The following AKT3 variants were observed in gnomAD, a reference collection of about 807,000 sequenced individuals.
The protein encoded by AKT3 is RAC-gamma serine/threonine-protein kinase.
AKT3 carries 15 observed loss-of-function variants against 65.3 expected under a neutral mutation model. The ratio of observed to expected loss-of-function variants is 0.23; its 90% CI spans 0.15 to 0.35. The LOEUF (loss-of-function observed/expected upper bound fraction) is 0.35, where lower values mean the gene tolerates loss of function less well. AKT3 is among the 10% of genes least tolerant of loss of function. The probability of loss-of-function intolerance (pLI) is 1.00; values close to 1 mark genes in which losing one functional copy is unlikely to be tolerated. For synonymous variants in AKT3, 206 were observed against 183.8 expected, an observed-to-expected ratio of 1.12 and a Z score of -0.98; for missense variants, 243 against 576.5, an observed-to-expected ratio of 0.42 and a Z score of 5.92.
At chr1:243,779,766 G>A (rs1196731893) in intron 2 of AKT3, among the ~76,000 whole-genome samples, 1 of 152,056 alleles carries the variant, frequency 6.6e-6, no homozygotes, top group Non-Finnish European at 1.5e-5. Flanking sequence ...GCTTCTAGAG[G>A]TAGGAAAGTA....
At chr1:243,560,172 C>T (rs1004076250) in intron 10 of AKT3, among the ~76,000 whole-genome samples, 2 of 152,254 alleles carry the variant, frequency 1.3e-5, no homozygotes, top group East Asian at 3.9e-4. Context: ...TTCCACTCCA[C>T]TGTATGGAAC....
chr1:243,505,324 A>G lies in AKT3; in HGVS notation c.1365T>C (p.Asp455=). The change falls in exon 14 of 14, where the codon GAT becomes GAC. Residue 455 remains aspartate (D), a synonymous_variant. Coordinates refer to ENST00000673466, the MANE Select transcript of AKT3 (RefSeq NM_005465.7). ...TCTCATTGTCCATGCAGTCCATACC[A>G]TCCTCATCATCTGTGGGCAGGAAAC... ...TITPPEKYDE[D]GMDCMDNERR... is the part of the protein sequence containing the mutation. 3 of 1,613,728 alleles carry G rather than the reference A, an allele frequency of 1.9e-6. No homozygotes were observed. Among genetic ancestry groups the G allele is most frequent in the Non-Finnish European group, 1.7e-6 (2 of 1,179,760 alleles).
At chr1:243,523,184 AG>A (rs1270022772) in intron 12 of AKT3, among the ~76,000 whole-genome samples, 1 of 151,790 alleles carries the variant, frequency 6.6e-6, no homozygotes, top group East Asian at 1.9e-4. Context: ...AAGTGAATGC[AG>A]GAAACCAACT....
chr1:243,634,213 T>C (rs577883689), intron 6 of AKT3, among the ~76,000 whole-genome samples: 27 of 152,194 alleles, frequency 1.8e-4, no homozygotes, highest in Non-Finnish European at 3.7e-4. Context: ...GTTATGTAAA[T>C]AGCTGTTACA....
At chr1:243,673,611 ATTTTTTT>A (rs11386712) in intron 3 of AKT3, among the ~76,000 whole-genome samples, 3 of 124,164 alleles carry the variant, frequency 2.4e-5, no homozygotes, top group African/African-American at 9.2e-5. Context: ...TAATTATGAG[ATTTTTTT>A]TTTTTTTTTT....
chr1:243,546,777 A>G (rs1672703947), intron 11 of AKT3: 2 of 152,150 alleles, frequency 1.3e-5, no homozygotes, highest in South Asian at 4.1e-4. Flanking sequence ...TAAAACATAC[A>G]ATGTTGTGTA....
chr1:243,713,285 A>G (rs567125798), intron 2 of AKT3, among the ~76,000 whole-genome samples: 1 of 152,316 alleles, frequency 6.6e-6, no homozygotes, highest in Admixed American at 6.5e-5. Flanking sequence ...GAAACTTTGT[A>G]TTGCCATTTA....
chr1:243,641,867 T>C (rs924640290), intron 5 of AKT3, among the ~76,000 whole-genome samples: 9 of 152,068 alleles, frequency 5.9e-5, no homozygotes, highest in African/African-American at 7.2e-5. Flanking sequence ...GCCTGTGAAG[T>C]TAAGGCTGCA....
intron 5 of AKT3, among the ~76,000 whole-genome samples, chr1:243,642,594 C>T (rs986771376): frequency 2.6e-5 from 4 of 152,212 alleles, no homozygotes; most frequent in African/African-American, 9.6e-5. Flanking sequence ...CAGGCGTGAG[C>T]CACCACGCCC....
intron 2 of AKT3, among the ~76,000 whole-genome samples, chr1:243,820,127 G>C (rs2148420599): frequency 6.6e-6 from 1 of 152,116 alleles, no homozygotes; most frequent in Admixed American, 6.5e-5. Flanking sequence ...CACTGTGTTA[G>C]CCAGGATGGT....
At chr1:243,651,462 G>T (rs1681321477) in intron 4 of AKT3, among the ~76,000 whole-genome samples, 1 of 152,120 alleles carries the variant, frequency 6.6e-6, no homozygotes, top group Non-Finnish European at 1.5e-5. Flanking sequence ...GGGCATCCTT[G>T]TATTGTGCCA....
Position 243,759,805 on chromosome 1 carries a change from A to T in AKT3, c.47-64089T>A, listed in dbSNP as rs117710991. Reference sequence around the variant, plus strand: ...AGGAGAAATTAAAATTAAGAAGGATAAAAGGAAGGTTCTGCTTCTGTAAAT... The same window carrying T: ...AGGAGAAATTAAAATTAAGAAGGATTAAAGGAAGGTTCTGCTTCTGTAAAT... On this transcript the variant is annotated intron_variant, in intron 2 of 13. Transcript: ENST00000673466. Among the ~76,000 whole-genome samples the T allele has an allele frequency of 1.4e-4, 22 of 152,326 alleles. 1 individual carries two copies. The East Asian group carries it at 4.2e-3, about 29-fold the overall frequency.
chr1:243,492,428 A>T (rs1199157554), intron 13 of AKT3, among the ~76,000 whole-genome samples: 1 of 143,690 alleles, frequency 7.0e-6, no homozygotes, highest in Non-Finnish European at 1.5e-5. Context: ...CAGGCTCCCA[A>T]GTAGCTGGGA....
At chr1:243,608,226 T>C (rs79146829) in intron 8 of AKT3, among the ~76,000 whole-genome samples, 4,461 of 152,234 alleles carry the variant, frequency 0.029, 241 homozygotes, top group African/African-American at 0.1. Context: ...CGGACTACCA[T>C]TGTGCTATCC....
At chr1:243,648,825 C>G (rs1266919936) in intron 4 of AKT3, among the ~76,000 whole-genome samples, 2 of 151,998 alleles carry the variant, frequency 1.3e-5, no homozygotes, top group Admixed American at 6.5e-5. Flanking sequence ...TAACAATACC[C>G]CAAAACGTTT....
intron 3 of AKT3, among the ~76,000 whole-genome samples, chr1:243,689,129 A>G (rs1321354089): frequency 6.6e-6 from 1 of 152,164 alleles, no homozygotes; most frequent in Non-Finnish European, 1.5e-5. Flanking sequence ...TCCCACTGCT[A>G]TATGTTCTAT....
At chr1:243,537,955 C>T (rs918517374) in intron 12 of AKT3, among the ~76,000 whole-genome samples, 35 of 152,000 alleles carry the variant, frequency 2.3e-4, no homozygotes, top group African/African-American at 8.5e-4. Context: ...TTTTCCAAAC[C>T]CAGGGAGGTG....
chr1:243,843,883 C>T (rs1695396479), intron 1 of AKT3, among the ~76,000 whole-genome samples: 1 of 152,036 alleles, frequency 6.6e-6, no homozygotes, highest in Admixed American at 6.6e-5. Flanking sequence ...AACTCCTGAC[C>T]TCATGATCCA....
chr1:243,731,211 A>C (rs1687543657), intron 2 of AKT3, among the ~76,000 whole-genome samples: 1 of 152,220 alleles, frequency 6.6e-6, no homozygotes, highest in Non-Finnish European at 1.5e-5. Flanking sequence ...AAAGCAAAAA[A>C]TATATATAAT....
Sources: gnomAD v4.1 joint callset for allele counts (sites outside exome capture counted in the v4.1 genomes callset) on GRCh38, gnomAD v4.1.1 for gene constraint, MANE v1.5 for transcripts, NCBI Gene and HGNC (gene_info 2026-07-23, HGNC 2026-07-21) for gene names.